Variants in ADGRD1 observed in about 807,000 individuals in gnomAD.
ADGRD1 encodes adhesion G protein-coupled receptor D1, also known as G-protein coupled receptor 133.
In ADGRD1, 77 loss-of-function variants were observed where a neutral mutation model predicts 113.4. The ratio of observed to expected loss-of-function variants is 0.68; its 90% confidence interval spans 0.57 to 0.82. ADGRD1 has a LOEUF of 0.82. Ranked by LOEUF, ADGRD1 falls within the 40% of genes least tolerant of loss-of-function variation. The probability of loss-of-function intolerance (pLI) is 0.00; values close to 1 mark genes in which losing one functional copy is unlikely to be tolerated. For synonymous variants in ADGRD1, 474 were observed against 475.0 expected, an observed-to-expected ratio of 1.00 and a Z score of 0.03; for missense variants, 1,036 against 1,139.1, an observed-to-expected ratio of 0.91 and a Z score of 1.30.
At chr12:131,125,001 C>T (rs895511903) in intron 20 of ADGRD1, among the ~76,000 whole-genome samples, 2 of 152,174 alleles carry the variant, frequency 1.3e-5, no homozygotes, top group African/African-American at 4.8e-5. Flanking sequence ...CTCCCGAGGC[C>T]TCTCTCCTTA....
intron 24 of ADGRD1, 70 bp downstream of exon 24, chr12:131,138,299 T>C (rs1177039455): frequency 1.5e-6 from 2 of 1,335,924 alleles, no homozygotes; most frequent in East Asian, 2.4e-5. Context: ...GTCAGCAGGA[T>C]GGGGTGTGCA....
At chr12:130,969,307 CAGCAATCCGT>C in intron 3 of ADGRD1, 1 of 484,246 alleles carries the variant, frequency 2.1e-6, no homozygotes, top group South Asian at 2.3e-5. Context: ...CACAGACTGG[CAGCAATCCGT>C]AGCCTGTTAG....
intron 13 of ADGRD1, among the ~76,000 whole-genome samples, chr12:131,074,890 G>A (rs1016745519): frequency 3.9e-5 from 6 of 152,206 alleles, no homozygotes; most frequent in Non-Finnish European, 8.8e-5. Context: ...GCTTGTTGCG[G>A]TGGTGGCTGT....
At chr12:131,017,613 G>A (rs1406430562) in intron 13 of ADGRD1, among the ~76,000 whole-genome samples, 1 of 143,150 alleles carries the variant, frequency 7.0e-6, no homozygotes, top group Non-Finnish European at 1.5e-5. Flanking sequence ...GACACACCCA[G>A]CACACAAACA....
intron 13 of ADGRD1, among the ~76,000 whole-genome samples, chr12:131,053,601 G>A (rs144337074): frequency 5.9e-5 from 9 of 152,230 alleles, no homozygotes; most frequent in African/African-American, 1.9e-4. Context: ...CATAACATCA[G>A]TCAAAGTCAA....
intron 15 of ADGRD1, among the ~76,000 whole-genome samples, chr12:131,099,654 C>T (rs1950023961): frequency 6.6e-6 from 1 of 152,172 alleles, no homozygotes; most frequent in Non-Finnish European, 1.5e-5. Context: ...GCCATGGAGA[C>T]TCCAGTTTAT....
Position 131,066,839 on chromosome 12 carries a change from G to C in ADGRD1, c.1474-9962G>C, listed in dbSNP as rs570249179. ...ACCTTCAAGTCTGAGGAGCGGCCAG[G>C]AGGCCGAGGGGCTGGAGGAGGCAGG... On this transcript the variant is annotated intron_variant, in intron 13 of 24. Transcript: ENST00000261654. Among the ~76,000 whole-genome samples, 24 of 152,332 alleles carry C rather than the reference G, an allele frequency of 1.6e-4. 1 individual carries two copies. The East Asian group carries it at 2.7e-3, about 17-fold the overall frequency.
At chr12:131,097,394 C>T (rs1887364286) in intron 15 of ADGRD1, among the ~76,000 whole-genome samples, 2 of 152,312 alleles carry the variant, frequency 1.3e-5, no homozygotes, top group East Asian at 3.9e-4. Context: ...CTGCCTGTGG[C>T]CAGTCCTCTC....
rs1009169848 is a variant in ADGRD1, at chr12:131,060,954, C to T, written c.1474-15847C>T. ...CAGAGTGGACAGAGTCCTGAAGGTCCCTCCTCCTGGGGTGCATTTTACGTA... is the reference window on the plus strand; with the variant it reads ...CAGAGTGGACAGAGTCCTGAAGGTCTCTCCTCCTGGGGTGCATTTTACGTA... On this transcript the variant is annotated intron_variant, in intron 13 of 24. Transcript: ENST00000261654. The surrounding 1 kb of genome is among the most constrained non-coding windows in gnomAD (Gnocchi z 4.4). Among the ~76,000 whole-genome samples, 7 of 152,038 alleles carry T rather than the reference C, an allele frequency of 4.6e-5. No individual in the cohort carries two copies. Among genetic ancestry groups the T allele is most frequent in the African/African-American group, 1.7e-4 (7 of 41,366 alleles).
chr12:130,958,608 C>A (rs1335444526), intron 2 of ADGRD1, among the ~76,000 whole-genome samples: 1 of 149,702 alleles, frequency 6.7e-6, no homozygotes, highest in Non-Finnish European at 1.5e-5. Context: ...ATCTAGGGGC[C>A]TCCTTCATGC....
chr12:130,999,321 T>C (rs1876032280), intron 8 of ADGRD1, among the ~76,000 whole-genome samples: 1 of 152,272 alleles, frequency 6.6e-6, no homozygotes, highest in South Asian at 2.1e-4. Context: ...CCATGAGGCC[T>C]GACCTCGTTC....
At chr12:131,046,863 G>T (rs1433785082) in intron 13 of ADGRD1, among the ~76,000 whole-genome samples, 1 of 142,376 alleles carries the variant, frequency 7.0e-6, no homozygotes, top group African/African-American at 2.7e-5. Flanking sequence ...TCCCTGGTCA[G>T]TGTCCTCCCT....
At chr12:131,123,778 C>G (rs566944909) in intron 20 of ADGRD1, among the ~76,000 whole-genome samples, 1 of 151,004 alleles carries the variant, frequency 6.6e-6, no homozygotes, top group Admixed American at 6.6e-5. Flanking sequence ...GCCGAGATTG[C>G]GCCACTGCAC....
intron 20 of ADGRD1, among the ~76,000 whole-genome samples, chr12:131,123,038 A>ATT (rs1950636788): frequency 2.8e-5 from 1 of 35,384 alleles, no homozygotes. Context: ...TTACCTGGGG[A>ATT]GTTTTTTTTT....
At chr12:131,002,694 G>C (rs1436171633) in intron 9 of ADGRD1, 4 of 1,199,640 alleles carry the variant, frequency 3.3e-6, no homozygotes, top group Non-Finnish European at 4.2e-6. Context: ...CAAGCTCCTG[G>C]GAAGTCAAGG....
chr12:131,133,975 C>A (rs534020120), intron 21 of ADGRD1, among the ~76,000 whole-genome samples: 1 of 152,224 alleles, frequency 6.6e-6, no homozygotes, highest in Non-Finnish European at 1.5e-5. Context: ...CACTTCCCTG[C>A]CACCCCCCTA....
intron 2 of ADGRD1, among the ~76,000 whole-genome samples, chr12:130,963,183 G>A (rs959997898): frequency 9.2e-5 from 14 of 152,004 alleles, no homozygotes; most frequent in Non-Finnish European, 1.9e-4. Context: ...AGCCAGGCGT[G>A]GTGGCGGGCG....
chr12:131,133,113 C>T (rs964236890), intron 21 of ADGRD1, among the ~76,000 whole-genome samples: 3 of 152,230 alleles, frequency 2.0e-5, no homozygotes, highest in Non-Finnish European at 4.4e-5. Context: ...TTGCTGAGAC[C>T]AGGATGGTCT....
intron 5 of ADGRD1, chr12:130,986,770 G>T: frequency 3.2e-6 from 1 of 312,090 alleles, no homozygotes; most frequent in Non-Finnish European, 6.0e-6. Flanking sequence ...CTGATTGGTT[G>T]GCACTTGTGC....
Sources: allele counts gnomAD v4.1 joint callset (sites outside exome capture counted in the v4.1 genomes callset), GRCh38; gene constraint gnomAD v4.1.1; non-coding constraint Gnocchi (gnomAD v3.1); transcripts MANE v1.5; gene names NCBI Gene and HGNC (gene_info 2026-07-23, HGNC 2026-07-21).